The following MAP3K13 variants were observed in gnomAD, a reference collection of about 807,000 sequenced individuals.
The protein encoded by MAP3K13 is mitogen-activated protein kinase kinase kinase 13, also known as leucine zipper-bearing kinase.
Under a neutral mutation model 104.0 loss-of-function variants are expected in MAP3K13, and 52 were observed. The ratio of observed to expected loss-of-function variants is 0.50; its 90% CI spans 0.40 to 0.63. The LOEUF (loss-of-function observed/expected upper bound fraction) is 0.63, where lower values mean the gene tolerates loss of function less well. Ranked by LOEUF, MAP3K13 falls within the 20% of genes least tolerant of loss-of-function variation. MAP3K13 has a pLI of 0.00. For missense variants in MAP3K13, 914 were observed against 1,218.5 expected (o/e 0.75, Z 3.72); for synonymous variants, 394 against 442.2 (o/e 0.89, Z 1.37).
intron 3 of MAP3K13, among the ~76,000 whole-genome samples, chr3:185,442,195 A>G (rs970711321): frequency 6.7e-6 from 1 of 148,642 alleles, no homozygotes; most frequent in Admixed American, 6.7e-5. Flanking sequence ...TTCTTAAAAA[A>G]AAAAAAAAAG....
intron 7 of MAP3K13, among the ~76,000 whole-genome samples, chr3:185,460,008 T>C (rs1285488950): frequency 6.6e-6 from 1 of 152,260 alleles, no homozygotes; most frequent in African/African-American, 2.4e-5. Flanking sequence ...GTGGTGTGTT[T>C]TCAAGGTTCA....
chr3:185,303,784 A>C (rs1012490213), intron 2 of MAP3K13, among the ~76,000 whole-genome samples: 1 of 147,276 alleles, frequency 6.8e-6, no homozygotes, highest in Admixed American at 6.7e-5. Context: ...AGTTTTGCTG[A>C]TTTCTTTCTA....
At chr3:185,465,979 C>A in intron 9 of MAP3K13, 116 bp downstream of exon 9, 1 of 796,808 alleles carries the variant, frequency 1.3e-6, no homozygotes, top group Non-Finnish European at 2.1e-6. Flanking sequence ...TTCATTCACC[C>A]AACATTCCTT....
At chr3:185,362,420 G>A (rs1008540974), upstream of MAP3K13, among the ~76,000 whole-genome samples, 6 of 152,176 alleles carry the variant, frequency 3.9e-5, no homozygotes, top group African/African-American at 1.4e-4. Context: ...TTTTGGAGCT[G>A]TGTCTTAATC....
At chr3:185,309,030 A>G (rs752367706) in intron 2 of MAP3K13, among the ~76,000 whole-genome samples, 1 of 152,076 alleles carries the variant, frequency 6.6e-6, no homozygotes, top group Non-Finnish European at 1.5e-5. Flanking sequence ...TTCTCTTCTT[A>G]TAAGGATGCC....
chr3:185,448,194 G>C (rs1715696314), intron 5 of MAP3K13: 1 of 570,266 alleles, frequency 1.8e-6, no homozygotes, highest in African/African-American at 1.8e-5. Context: ...AGAATATGCT[G>C]AACTTTCTAG....
intron 1 of MAP3K13, among the ~76,000 whole-genome samples, chr3:185,427,915 T>C (rs1433470508): frequency 6.6e-6 from 1 of 151,894 alleles, no homozygotes; most frequent in African/African-American, 2.4e-5. Context: ...CCTGTCTCTA[T>C]TAAAAATACA....
intron 1 of MAP3K13, among the ~76,000 whole-genome samples, chr3:185,413,192 T>C (rs1369673780): frequency 6.6e-6 from 1 of 152,226 alleles, no homozygotes; most frequent in Non-Finnish European, 1.5e-5. Flanking sequence ...AAACCTGTCA[T>C]ATTAAAGAAG....
intron 2 of MAP3K13, among the ~76,000 whole-genome samples, chr3:185,289,140 G>A (rs761570432): frequency 6.6e-6 from 1 of 152,074 alleles, no homozygotes; most frequent in Non-Finnish European, 1.5e-5. Context: ...GTTATTTGAG[G>A]CCAAATTTCA....
chr3:185,486,841 T>C lies in MAP3K13; in HGVS notation c.*4385T>C, dbSNP rs1450151278. 2 of 152,224 alleles carry C rather than the reference T, an allele frequency of 1.3e-5. No individual in the cohort carries two copies. The highest frequency in any genetic ancestry group is 1.5e-5 in the Non-Finnish European group (1 of 68,038). The allele number at this position is 152,224 out of a possible 1,614,324, so 9.4% of individuals were successfully genotyped here. On this transcript the variant is annotated 3_prime_UTR_variant, in exon 14 of 14. Transcript: ENST00000265026. The stretch of plus-strand genomic sequence containing the variant: ...TTGCAGAGGGGCTGAGAAGCCTGCA[T>C]CTACTTTGAAATTATAATGGACCTT...
At chr3:185,355,796 C>A (rs1398901258) in intron 2 of MAP3K13, among the ~76,000 whole-genome samples, 1 of 151,990 alleles carries the variant, frequency 6.6e-6, no homozygotes, top group African/African-American at 2.4e-5. Flanking sequence ...AATCTGTCAA[C>A]CACAGAATAA....
intron 2 of MAP3K13, among the ~76,000 whole-genome samples, chr3:185,347,006 T>TTTTTG (rs1722951017): frequency 6.8e-6 from 1 of 147,128 alleles, no homozygotes. Context: ...TTTTTTTTTT[T>TTTTTG]AGACAGAGTC....
chr3:185,312,829 T>C (rs958081753), intron 2 of MAP3K13, among the ~76,000 whole-genome samples: 5 of 152,198 alleles, frequency 3.3e-5, no homozygotes, highest in Non-Finnish European at 7.3e-5. Flanking sequence ...CCCCTGTTGA[T>C]AGCCATTGAG....
chr3:185,442,499 C>T (rs1001709937), intron 3 of MAP3K13, among the ~76,000 whole-genome samples: 1 of 151,420 alleles, frequency 6.6e-6, no homozygotes, highest in Non-Finnish European at 1.5e-5. Flanking sequence ...CCCTCTAAAA[C>T]TTTAAAAGGA....
At chr3:185,338,629 G>GTTATACC (rs1319038643) in intron 2 of MAP3K13, among the ~76,000 whole-genome samples, 18 of 152,180 alleles carry the variant, frequency 1.2e-4, no homozygotes, top group African/African-American at 4.3e-4. Context: ...TTACCCCTAT[G>GTTATACC]CCTATCAAAT....
At chr3:185,360,934 C>T (rs1011000663), upstream of MAP3K13, among the ~76,000 whole-genome samples, 4 of 145,850 alleles carry the variant, frequency 2.7e-5, no homozygotes, top group African/African-American at 1.0e-4. Context: ...TCAAGCGATT[C>T]TCATGCCTCA....
chr3:185,320,588 T>G (rs572603337), intron 2 of MAP3K13, among the ~76,000 whole-genome samples: 2 of 152,182 alleles, frequency 1.3e-5, no homozygotes, highest in African/African-American at 2.4e-5. Flanking sequence ...AGGTTTCCCA[T>G]GGCATTTTCA....
At chr3:185,370,851 G>A (rs1298129530) in intron 1 of MAP3K13, among the ~76,000 whole-genome samples, 1 of 151,086 alleles carries the variant, frequency 6.6e-6, no homozygotes, top group Non-Finnish European at 1.5e-5. Flanking sequence ...GTTGTACGTT[G>A]TAGCCTTTTC....
chr3:185,378,004 G>A (rs555044917), intron 1 of MAP3K13, among the ~76,000 whole-genome samples: 5 of 152,236 alleles, frequency 3.3e-5, no homozygotes, highest in East Asian at 3.9e-4. Context: ...AAGCTCCTGG[G>A]GTGGGGGGAG....
Sources: gnomAD v4.1 joint callset for allele counts (sites outside exome capture counted in the v4.1 genomes callset) on GRCh38, gnomAD v4.1.1 for gene constraint, MANE v1.5 for transcripts, NCBI Gene and HGNC (gene_info 2026-07-23, HGNC 2026-07-21) for gene names.